The following LRRTM4 variants were observed in gnomAD, a reference collection of about 807,000 sequenced individuals.
The protein encoded by LRRTM4 is leucine-rich repeat transmembrane neuronal protein 4.
LRRTM4 carries 25 observed loss-of-function variants against 47.6 expected under a neutral mutation model. The observed-to-expected ratio is 0.53, with a 90% CI of 0.38 to 0.73. LRRTM4 has a LOEUF of 0.73. LRRTM4 is among the 30% of genes least tolerant of loss of function. The probability of loss-of-function intolerance (pLI) is 0.00; values close to 1 mark genes in which losing one functional copy is unlikely to be tolerated. For missense variants in LRRTM4, 638 were observed against 713.4 expected (o/e 0.89, Z 1.20); for synonymous variants, 311 against 269.5 (o/e 1.15, Z -1.51).
intron 3 of LRRTM4, among the ~76,000 whole-genome samples, chr2:76,749,348 A>G (rs1672767889): frequency 6.6e-6 from 1 of 152,154 alleles, no homozygotes. Flanking sequence ...AATGTATGGT[A>G]TGATCTGTTT....
At chr2:76,968,040 G>T (rs1006466327) in intron 3 of LRRTM4, among the ~76,000 whole-genome samples, 1 of 150,586 alleles carries the variant, frequency 6.6e-6, no homozygotes, top group Non-Finnish European at 1.5e-5. Context: ...TGGATAAAAA[G>T]ATTAAAGGTA....
chr2:76,755,256 GT>G (rs1472224933), intron 3 of LRRTM4, among the ~76,000 whole-genome samples: 1 of 152,146 alleles, frequency 6.6e-6, no homozygotes, highest in Admixed American at 6.5e-5. Flanking sequence ...TGGGGAGGAA[GT>G]TTTGCAAAGA....
At chr2:77,429,444 C>CT (rs1675267609) in intron 3 of LRRTM4, among the ~76,000 whole-genome samples, 2 of 152,022 alleles carry the variant, frequency 1.3e-5, no homozygotes, top group African/African-American at 2.4e-5. Flanking sequence ...GAAACAGAAT[C>CT]AACCTAAGTG....
chr2:77,510,143 T>G (rs1356612987), intron 3 of LRRTM4, among the ~76,000 whole-genome samples: 3 of 152,132 alleles, frequency 2.0e-5, no homozygotes, highest in African/African-American at 7.2e-5. Flanking sequence ...ATCAAAGCAC[T>G]TAATAGTGAA....
chr2:77,381,428 G>A (rs1025094647), intron 3 of LRRTM4, among the ~76,000 whole-genome samples: 54 of 152,102 alleles, frequency 3.6e-4, no homozygotes, highest in African/African-American at 9.1e-4. Flanking sequence ...AGGAGCAGCC[G>A]TATAACAGCA....
intron 3 of LRRTM4, among the ~76,000 whole-genome samples, chr2:77,243,545 A>G (rs960047091): frequency 6.7e-6 from 1 of 149,248 alleles, no homozygotes; most frequent in Non-Finnish European, 1.5e-5. Context: ...GGGGAAAGGG[A>G]GAATGAGGGT....
At chr2:76,823,271 G>C (rs867690631) in intron 3 of LRRTM4, among the ~76,000 whole-genome samples, 1 of 151,194 alleles carries the variant, frequency 6.6e-6, no homozygotes, top group Admixed American at 6.6e-5. Context: ...TAGCAATAAA[G>C]ATTACCTTAT....
chr2:77,397,379 AAT>A (rs1262934533), intron 3 of LRRTM4, among the ~76,000 whole-genome samples: 5 of 152,046 alleles, frequency 3.3e-5, no homozygotes, highest in Admixed American at 3.3e-4. Flanking sequence ...GTCTAAGACT[AAT>A]TACTGCTAAT....
intron 3 of LRRTM4, among the ~76,000 whole-genome samples, chr2:76,797,277 C>A (rs1042913863): frequency 2.0e-5 from 3 of 152,006 alleles, no homozygotes; most frequent in African/African-American, 7.2e-5. Flanking sequence ...TCAGCAGAAA[C>A]CCTACAAGCC....
At position 77,234,690 on chromosome 2, in the gene LRRTM4, CT is replaced by C. The variant is rs749130138; in HGVS notation, c.1551+283627del. On this transcript the variant is annotated intron_variant, in intron 3 of 3. Coordinates refer to ENST00000409884, the MANE Select transcript of LRRTM4 (RefSeq NM_001134745.3). The stretch of plus-strand genomic sequence containing the variant: ...AAAATTGCCCATAACTGGGGCTCTG[CT>C]CAGATCAATTAATTAAGAATCTCTG... Among the ~76,000 whole-genome samples the C allele has an allele frequency of 4.6e-5, 7 of 152,234 alleles. No homozygotes were observed. The East Asian group carries it at 1.2e-3, about 25-fold the overall frequency.
At position 77,383,030 on chromosome 2, in the gene LRRTM4, C is replaced by A. The variant is rs1449007650; in HGVS notation, c.1551+135288G>T. Among the ~76,000 whole-genome samples, 3 of 152,080 alleles carry A rather than the reference C, an allele frequency of 2.0e-5. No homozygotes were observed. The South Asian group carries it at 6.2e-4, about 32-fold the overall frequency. Reference sequence around the variant, plus strand: ...TAAATTGCAAAAATTCCCCCAGTTTCTCATGTTATTGCTAACATATACAGA... The same window carrying A: ...TAAATTGCAAAAATTCCCCCAGTTTATCATGTTATTGCTAACATATACAGA... On this transcript the variant is annotated intron_variant, in intron 3 of 3. Coordinates refer to ENST00000409884, the MANE Select transcript of LRRTM4 (RefSeq NM_001134745.3).
At position 76,777,366 on chromosome 2, in the gene LRRTM4, C is replaced by T. The variant is rs1220188361; in HGVS notation, c.1552-28450G>A. Among the ~76,000 whole-genome samples, 61 of 142,390 alleles carry T rather than the reference C, an allele frequency of 4.3e-4. 1 individual carries two copies. The highest frequency in any genetic ancestry group is 1.5e-3 in the South Asian group (6 of 3,914). 93.4% of individuals were successfully genotyped at this position (142,390 alleles called of 152,430 possible). A position where few individuals can be genotyped will look rare whatever the true frequency, so the allele number is the denominator to read the frequency against. Reference sequence around the variant, plus strand: ...ACCTTGGGCAGTATGGCCATTTTCACGATATTGATTCTTCCTACCCATGAG... The same window carrying T: ...ACCTTGGGCAGTATGGCCATTTTCATGATATTGATTCTTCCTACCCATGAG... On this transcript the variant is annotated intron_variant, in intron 3 of 3. Coordinates refer to ENST00000409884, the MANE Select transcript of LRRTM4 (RefSeq NM_001134745.3).
intron 3 of LRRTM4, among the ~76,000 whole-genome samples, chr2:77,319,093 G>A (rs1329736702): frequency 1.3e-5 from 2 of 151,830 alleles, no homozygotes; most frequent in Non-Finnish European, 2.9e-5. Context: ...TATATTGATA[G>A]CCAGCCCTGG....
chr2:76,976,133 A>G (rs142831979), intron 3 of LRRTM4, among the ~76,000 whole-genome samples: 41 of 151,906 alleles, frequency 2.7e-4, no homozygotes, highest in Non-Finnish European at 5.9e-4. Flanking sequence ...CTGTTTTTAG[A>G]CATGCTCTGT....
intron 3 of LRRTM4, among the ~76,000 whole-genome samples, chr2:77,162,485 G>A (rs1672758539): frequency 6.6e-6 from 1 of 152,124 alleles, no homozygotes; most frequent in Non-Finnish European, 1.5e-5. Flanking sequence ...GGTTCTCCCA[G>A]CACAGAGTTT....
intron 3 of LRRTM4, among the ~76,000 whole-genome samples, chr2:76,800,344 C>A (rs1479419324): frequency 1.4e-5 from 2 of 142,314 alleles, no homozygotes; most frequent in Non-Finnish European, 3.0e-5. Flanking sequence ...GAAAAACAAG[C>A]AATGGGGAAA....
intron 3 of LRRTM4, among the ~76,000 whole-genome samples, chr2:76,912,241 T>C (rs917589628): frequency 6.6e-6 from 1 of 152,146 alleles, no homozygotes; most frequent in Admixed American, 6.5e-5. Context: ...TTAAATTAGA[T>C]GTATGAATAT....
At chr2:77,253,128 T>G (rs7422670) in intron 3 of LRRTM4, among the ~76,000 whole-genome samples, 18,727 of 152,128 alleles carry the variant, frequency 0.12, 3,869 homozygotes, top group African/African-American at 0.42. Flanking sequence ...ATTATTTACT[T>G]GTCCTAATAC....
At chr2:76,978,456 T>C (rs1558774550) in intron 3 of LRRTM4, among the ~76,000 whole-genome samples, 1 of 152,090 alleles carries the variant, frequency 6.6e-6, no homozygotes, top group Non-Finnish European at 1.5e-5. Context: ...ATGTTCTCCT[T>C]GCACATTTAT....
Sources: gnomAD v4.1 joint callset for allele counts (sites outside exome capture counted in the v4.1 genomes callset) on GRCh38, gnomAD v4.1.1 for gene constraint, MANE v1.5 for transcripts, NCBI Gene and HGNC (gene_info 2026-07-23, HGNC 2026-07-21) for gene names.